Variants in BASP1 observed in about 807,000 individuals in gnomAD.
BASP1 encodes brain abundant membrane attached signal protein 1, also known as brain acid soluble protein 1.
BASP1 carries 1 observed loss-of-function variant against 2.2 expected under a neutral mutation model. That is an observed-to-expected ratio of 0.46 (90% CI 0.16 to 2.17). The LOEUF is 2.17. Ranked by LOEUF, BASP1 falls within the 30% of genes most tolerant of loss-of-function variation. The pLI is 0.27. For synonymous variants in BASP1, 187 were observed against 154.2 expected (o/e 1.21, Z -1.58); for missense variants, 352 against 327.2 (o/e 1.08, Z -0.58).
rs1739740521 is a variant in BASP1 at position 17,236,161 on chromosome 5, TA to T, written c.-10+18352del. 1.3e-5 allele frequency among the ~76,000 whole-genome samples: 2 copies of T among 152,262 alleles called. No homozygotes were observed. Among genetic ancestry groups the T allele is most frequent in the South Asian group, 4.1e-4 (2 of 4,838 alleles). Reference sequence around the variant, plus strand: ...CACCCTTGCGTTTAGTCTTTAAGACTATTCTACCTTGGGGGAGAAAAGCAAA... The same window carrying T: ...CACCCTTGCGTTTAGTCTTTAAGACTTTCTACCTTGGGGGAGAAAAGCAAA... On this transcript the variant is annotated intron_variant, in intron 1 of 1. Coordinates refer to ENST00000322611, the MANE Select transcript of BASP1 (RefSeq NM_006317.5). This position sits in a 1 kb window ranked among gnomAD's most constrained non-coding sequence, Gnocchi z 4.0.
In BASP1 at chr5:17,251,758, T is replaced by C. The variant is rs1390720908; in HGVS notation, c.-9-23450T>C. The stretch of plus-strand genomic sequence containing the variant: ...GACTCCCACATTTCTGGCTGGGCGA[T>C]GGGGTGGATGTGGTTCTAATCTCTT... On this transcript the variant is annotated intron_variant, in intron 1 of 1. Coordinates refer to ENST00000322611, the MANE Select transcript of BASP1 (RefSeq NM_006317.5). This position sits in a 1 kb window ranked among gnomAD's most constrained non-coding sequence, Gnocchi z 4.0. Among the ~76,000 whole-genome samples, 1 of 152,030 alleles carries C rather than the reference T, an allele frequency of 6.6e-6. No homozygotes were observed. Among genetic ancestry groups the C allele is most frequent in the Non-Finnish European group, 1.5e-5 (1 of 67,994 alleles).
At chr5:17,244,119 C>A (rs556106411) in intron 1 of BASP1, among the ~76,000 whole-genome samples, 1 of 152,278 alleles carries the variant, frequency 6.6e-6, no homozygotes, top group East Asian at 1.9e-4. Flanking sequence ...TGTATACCTT[C>A]TTGATAAGAT....
chr5:17,227,009 A>T (rs1579480807), intron 1 of BASP1, among the ~76,000 whole-genome samples: 1 of 150,716 alleles, frequency 6.6e-6, no homozygotes, highest in Non-Finnish European at 1.5e-5. Context: ...GCTCACTGCA[A>T]CCTCAGCCTC....
At chr5:17,264,877 G>A (rs1382436480) in intron 1 of BASP1, among the ~76,000 whole-genome samples, 2 of 152,100 alleles carry the variant, frequency 1.3e-5, no homozygotes, top group Non-Finnish European at 2.9e-5. Flanking sequence ...AGTGGATAGG[G>A]CCTTTGTATG....
Position 17,224,105 on chromosome 5 carries a change from A to G in BASP1, c.-10+6295A>G, listed in dbSNP as rs187914752. ...AATTTCAGCTATTTGGGGTGGATCA[A>G]TTCTGGAACTGGTCTTAACATTTCA... On this transcript the variant is annotated intron_variant, in intron 1 of 1. Coordinates refer to ENST00000322611, the MANE Select transcript of BASP1 (RefSeq NM_006317.5). Among the ~76,000 whole-genome samples the G allele has an allele frequency of 4.6e-5, 7 of 152,344 alleles. No individual in the cohort carries two copies. In the East Asian group the frequency reaches 5.8e-4, roughly 13 times the overall value.
chr5:17,223,516 T>C (rs551479986), intron 1 of BASP1, among the ~76,000 whole-genome samples: 45 of 152,296 alleles, frequency 3.0e-4, no homozygotes, highest in Middle Eastern at 6.8e-3. Context: ...AAGTCTGCGG[T>C]TTAGAAAACT....
chr5:17,255,149 T>C (rs1428307305), intron 1 of BASP1, among the ~76,000 whole-genome samples: 2 of 152,230 alleles, frequency 1.3e-5, no homozygotes, highest in Non-Finnish European at 2.9e-5. Context: ...AATCTTTCTA[T>C]GTTAGTATTT....
At chr5:17,247,948 G>T (rs770084425) in intron 1 of BASP1, among the ~76,000 whole-genome samples, 4 of 152,134 alleles carry the variant, frequency 2.6e-5, no homozygotes, top group Non-Finnish European at 4.4e-5. Flanking sequence ...GATTCTGTTT[G>T]CATCCTAGGC....
intron 1 of BASP1, among the ~76,000 whole-genome samples, chr5:17,247,007 C>A (rs142673034): frequency 6.6e-6 from 1 of 151,966 alleles, no homozygotes; most frequent in East Asian, 1.9e-4. Context: ...GGTAACATGG[C>A]GAAACCCTGT....
chr5:17,275,953 C>CTCTCTCTCTCTCTCTA lies in BASP1; in HGVS notation c.*68_*69insATCTCTCTCTCTCTCT. On this transcript the variant is annotated 3_prime_UTR_variant, in exon 2 of 2. Coordinates refer to ENST00000322611, the MANE Select transcript of BASP1 (RefSeq NM_006317.5). This position sits in a 1 kb window ranked among gnomAD's most constrained non-coding sequence, Gnocchi z 5.3. Reference sequence around the variant, plus strand: ...CCACTTAAAACAATCTCCTCTCTCTCTCTCTCTCTCTCTCTCTATCTCTCT... The same window carrying CTCTCTCTCTCTCTCTA: ...CCACTTAAAACAATCTCCTCTCTCTCTCTCTCTCTCTCTCTATCTCTCTCTCTCTCTCTATCTCTCT... The CTCTCTCTCTCTCTCTA allele has an allele frequency of 2.9e-6, 4 of 1,386,064 alleles. No individual in the cohort carries two copies. In the South Asian group the frequency reaches 5.9e-5, roughly 21 times the overall value. The allele number at this position is 1,386,064 out of a possible 1,614,324, so 85.9% of individuals were successfully genotyped here.
At position 17,260,605 on chromosome 5, in the gene BASP1, G is replaced by A. The variant is rs1488308273; in HGVS notation, c.-9-14603G>A. Among the ~76,000 whole-genome samples, 1 of 152,074 alleles carries A rather than the reference G, an allele frequency of 6.6e-6. No individual in the cohort carries two copies. Among genetic ancestry groups the A allele is most frequent in the Admixed American group, 6.6e-5 (1 of 15,266 alleles). Reference sequence around the variant, plus strand: ...TTTAGTTTATTGATTTTTTTCTACTGCTGGTGAAAGGTAAGTTACATAACC... The same window carrying A: ...TTTAGTTTATTGATTTTTTTCTACTACTGGTGAAAGGTAAGTTACATAACC... On this transcript the variant is annotated intron_variant, in intron 1 of 1. Transcript: ENST00000322611. The surrounding 1 kb of genome is among the most constrained non-coding windows in gnomAD (Gnocchi z 4.2).
Position 17,251,634 on chromosome 5 carries a change from G to T in BASP1, c.-9-23574G>T, listed in dbSNP as rs935651288. On this transcript the variant is annotated intron_variant, in intron 1 of 1. Coordinates refer to ENST00000322611, the MANE Select transcript of BASP1 (RefSeq NM_006317.5). The surrounding 1 kb of genome is among the most constrained non-coding windows in gnomAD (Gnocchi z 4.0). ...CTCATATTTTGTTTTCTAGCACCTA[G>T]CAGTGGAGTTATGAACATATTTTAG... Among the ~76,000 whole-genome samples the T allele has an allele frequency of 1.3e-5, 2 of 152,186 alleles. No individual in the cohort carries two copies. The highest frequency in any genetic ancestry group is 2.9e-5 in the Non-Finnish European group (2 of 68,040).
intron 1 of BASP1, among the ~76,000 whole-genome samples, chr5:17,222,292 T>G (rs1739406886): frequency 6.6e-6 from 1 of 152,174 alleles, no homozygotes; most frequent in Admixed American, 6.5e-5. Context: ...GATGGCCACC[T>G]TCCTTGAATT....
chr5:17,250,272 A>G (rs1740075347), intron 1 of BASP1, among the ~76,000 whole-genome samples: 1 of 152,026 alleles, frequency 6.6e-6, no homozygotes. Context: ...GGCATATTCC[A>G]CTTGACTTTA....
At position 17,253,111 on chromosome 5, in the gene BASP1, C is replaced by T. The variant is rs1350629337; in HGVS notation, c.-9-22097C>T. On this transcript the variant is annotated intron_variant, in intron 1 of 1. Coordinates refer to ENST00000322611, the MANE Select transcript of BASP1 (RefSeq NM_006317.5). ...GGCAAGTAAAATCATCTGACAAAATCATAAAATAATCAATTGGTTTTTTTT... is the reference window on the plus strand; with the variant it reads ...GGCAAGTAAAATCATCTGACAAAATTATAAAATAATCAATTGGTTTTTTTT... 2.0e-5 allele frequency among the ~76,000 whole-genome samples: 3 copies of T among 152,104 alleles called. No individual in the cohort carries two copies. In the East Asian group the frequency reaches 5.8e-4, roughly 29 times the overall value.
rs936385233 is a variant in BASP1, at chr5:17,221,634, G to A, written c.-10+3824G>A. Reference sequence around the variant, plus strand: ...TGAATATTCTCTGAAAATGGGCATGGAATCTTTATTGTTATATCAAATTTT... The same window carrying A: ...TGAATATTCTCTGAAAATGGGCATGAAATCTTTATTGTTATATCAAATTTT... On this transcript the variant is annotated intron_variant, in intron 1 of 1. Coordinates refer to ENST00000322611, the MANE Select transcript of BASP1 (RefSeq NM_006317.5). 1.1e-4 allele frequency among the ~76,000 whole-genome samples: 16 copies of A among 152,086 alleles called. 1 individual carries two copies. The highest frequency in any genetic ancestry group is 7.9e-4 in the Admixed American group (12 of 15,276).
intron 1 of BASP1, among the ~76,000 whole-genome samples, chr5:17,234,221 C>T (rs1739694331): frequency 6.6e-6 from 1 of 152,136 alleles, no homozygotes; most frequent in Non-Finnish European, 1.5e-5. Flanking sequence ...TAGAGTCTAC[C>T]ATTTCTCGAC....
chr5:17,227,709 C>T (rs939739630), intron 1 of BASP1, among the ~76,000 whole-genome samples: 1 of 152,122 alleles, frequency 6.6e-6, no homozygotes, highest in Non-Finnish European at 1.5e-5. Context: ...CGGCCAATAA[C>T]TCATTTTTCT....
chr5:17,275,999 T>G lies in BASP1; in HGVS notation c.*99T>G, dbSNP rs1740653498. On this transcript the variant is annotated 3_prime_UTR_variant, in exon 2 of 2. Coordinates refer to ENST00000322611, the MANE Select transcript of BASP1 (RefSeq NM_006317.5). This position sits in a 1 kb window ranked among gnomAD's most constrained non-coding sequence, Gnocchi z 5.3. ...TCTCTCTCTATCTCCTCTCTCTCTC[T>G]CCTCTCCTATCTCTCCTCTCTCTCT... The G allele has an allele frequency of 4.9e-6, 5 of 1,011,494 alleles. No homozygotes were observed. Among genetic ancestry groups the G allele is most frequent in the Non-Finnish European group, 6.8e-6 (5 of 732,894 alleles). The allele number at this position is 1,011,494 out of a possible 1,614,324, so 62.7% of individuals were successfully genotyped here.
Sources: allele counts gnomAD v4.1 joint callset (sites outside exome capture counted in the v4.1 genomes callset), GRCh38; gene constraint gnomAD v4.1.1; non-coding constraint Gnocchi (gnomAD v3.1); transcripts MANE v1.5; gene names NCBI Gene and HGNC (gene_info 2026-07-23, HGNC 2026-07-21).